Variants in NCAM2 observed in about 807,000 individuals in gnomAD.
NCAM2 encodes N-CAM-2.
In NCAM2, 30 loss-of-function variants were observed where a neutral mutation model predicts 98.1. That is an observed-to-expected ratio of 0.31 (90% CI 0.23 to 0.41). NCAM2 has a LOEUF of 0.41. Among genes scored for constraint, NCAM2 ranks in the 10% least tolerant of loss-of-function variants. The pLI is 1.00. For synonymous variants in NCAM2, 368 were observed against 342.4 expected (o/e 1.07, Z -0.83); for missense variants, 867 against 1,005.8 (o/e 0.86, Z 1.87).
Position 21,332,114 on chromosome 21 carries a change from A to G in NCAM2, c.738-3391A>G, listed in dbSNP as rs936236147. Among the ~76,000 whole-genome samples, 5 of 151,822 alleles carry G rather than the reference A, an allele frequency of 3.3e-5. No individual in the cohort carries two copies. In the South Asian group the frequency reaches 1.0e-3, roughly 32 times the overall value. The stretch of plus-strand genomic sequence containing the variant: ...GAAACCGGGTTTCACCATATTGGCC[A>G]GGCTGATCTGTAACTCCTGACCTTG... On this transcript the variant is annotated intron_variant, in intron 6 of 17. Transcript: ENST00000400546.
rs1156588500 is a variant in NCAM2 at position 21,479,583 on chromosome 21, CA to C, written c.2077+2137del. 9.4e-3 allele frequency among the ~76,000 whole-genome samples: 291 copies of C among 30,946 alleles called. 1 individual carries two copies. The highest frequency in any genetic ancestry group is 0.029 in the Middle Eastern group (1 of 34). The allele number at this position is 30,946 out of a possible 152,430, so 20.3% of individuals were successfully genotyped here. A position where few individuals can be genotyped will look rare whatever the true frequency, so the allele number is the denominator to read the frequency against. On this transcript the variant is annotated intron_variant, in intron 15 of 17. Coordinates refer to ENST00000400546, the MANE Select transcript of NCAM2 (RefSeq NM_004540.5). The stretch of plus-strand genomic sequence containing the variant: ...TGGGAGACAGAGCGAGACTGCGTCT[CA>C]AAAAAAAAAAAAAAAAAAAAAAAAT...
At chr21:21,081,188 C>T (rs764065567) in intron 1 of NCAM2, among the ~76,000 whole-genome samples, 5 of 152,100 alleles carry the variant, frequency 3.3e-5, no homozygotes, top group Admixed American at 6.5e-5. Flanking sequence ...CTTCCCTTAC[C>T]GGCTGAATGC....
chr21:21,306,206 C>T (rs2073874660), intron 5 of NCAM2, among the ~76,000 whole-genome samples: 1 of 152,130 alleles, frequency 6.6e-6, no homozygotes, highest in Non-Finnish European at 1.5e-5. Flanking sequence ...AGGTTACAGT[C>T]AATTGGTAAT....
At chr21:21,345,598 A>G (rs34224060) in intron 8 of NCAM2, among the ~76,000 whole-genome samples, 26,066 of 152,004 alleles carry the variant, frequency 0.17, 2,618 homozygotes, top group East Asian at 0.28. Flanking sequence ...AATAAAAAAA[A>G]TGAAGCATGC....
At chr21:21,222,794 G>A (rs2070223540) in intron 1 of NCAM2, among the ~76,000 whole-genome samples, 1 of 152,200 alleles carries the variant, frequency 6.6e-6, no homozygotes. Context: ...GCAGCAGCAA[G>A]TTTTGAGAGG....
rs1336787482 is a variant in NCAM2 at position 21,286,278 on chromosome 21, C to T, written c.347C>T (p.Thr116Ile). The change falls in exon 4 of 18, where the codon ACT becomes ATT. Residue 116 changes from threonine to isoleucine, a missense_variant. By Grantham distance (89) the Thr-to-Ile change is moderately conservative. This residue lies in a region of NCAM2 where 447 missense variants were observed against 495.7 expected (regional missense o/e 0.90). Coordinates refer to ENST00000400546, the MANE Select transcript of NCAM2 (RefSeq NM_004540.5). ...TACTTTGTTGATACAGAAAAACTCA[C>T]TTTCAGAGAAGTGGTATCTCCACAA... The part of the protein sequence containing the change: ...TVVLEIYQKL[T>I]FREVVSPQEF... 1 of 1,601,248 alleles carries T rather than the reference C, an allele frequency of 6.2e-7. No homozygotes were observed. The highest frequency in any genetic ancestry group is 1.3e-5 in the African/African-American group (1 of 74,416).
At chr21:21,518,909 A>G (rs1988858431) in intron 16 of NCAM2, among the ~76,000 whole-genome samples, 1 of 152,182 alleles carries the variant, frequency 6.6e-6, no homozygotes, top group South Asian at 2.1e-4. Context: ...AATGAAAGGC[A>G]GGATGTTAAG....
Position 21,463,498 on chromosome 21 carries a change from C to T in NCAM2, c.1655-3108C>T, listed in dbSNP as rs138314977. Among the ~76,000 whole-genome samples, 506 of 152,224 alleles carry T rather than the reference C, an allele frequency of 3.3e-3. 3 individuals carry two copies. The highest frequency in any genetic ancestry group is 0.012 in the African/African-American group (479 of 41,568). ...TCTTCCCTATAATTTTAAAGGTTAT[C>T]TATAAAACCTCTCTTTGGCCAGCTT... is the stretch of plus-strand genomic sequence containing the variant. On this transcript the variant is annotated intron_variant, in intron 12 of 17. Coordinates refer to ENST00000400546, the MANE Select transcript of NCAM2 (RefSeq NM_004540.5).
At chr21:21,390,563 T>C (rs914654289) in intron 9 of NCAM2, among the ~76,000 whole-genome samples, 3 of 152,158 alleles carry the variant, frequency 2.0e-5, no homozygotes, top group Non-Finnish European at 2.9e-5. Flanking sequence ...TTACATCACC[T>C]TAACATAAAT....
At position 21,378,175 on chromosome 21, in the gene NCAM2, CTT is replaced by C. The variant is rs71322052; in HGVS notation, c.1195+4173_1195+4174del. ...TGCAGATACCTCTACCAGGTACAGA[CTT>C]TTTTTTTTTTCCTTTGGGTATAAAC... is the stretch of plus-strand genomic sequence containing the variant. On this transcript the variant is annotated intron_variant, in intron 9 of 17. Coordinates refer to ENST00000400546, the MANE Select transcript of NCAM2 (RefSeq NM_004540.5). 3.2e-3 allele frequency among the ~76,000 whole-genome samples: 478 copies of C among 148,384 alleles called. 2 individuals carry two copies. The highest frequency in any genetic ancestry group is 7.4e-3 in the Admixed American group (110 of 14,870).
intron 1 of NCAM2, among the ~76,000 whole-genome samples, chr21:21,201,942 A>G (rs2069240151): frequency 6.6e-6 from 1 of 152,172 alleles, no homozygotes; most frequent in Non-Finnish European, 1.5e-5. Context: ...AAAGACTTCC[A>G]GGTGGTCTAA....
chr21:21,032,857 C>G (rs1322571796), intron 1 of NCAM2, among the ~76,000 whole-genome samples: 2 of 152,048 alleles, frequency 1.3e-5, no homozygotes, highest in Non-Finnish European at 2.9e-5. Context: ...GTATTTAAAA[C>G]TTTGTCTACA....
chr21:21,474,198 C>T lies in NCAM2; in HGVS notation c.1897-3093C>T, dbSNP rs139633410. Among the ~76,000 whole-genome samples the T allele has an allele frequency of 7.4e-3, 1,124 of 152,006 alleles. 11 individuals carry two copies. Among genetic ancestry groups the T allele is most frequent in the African/African-American group, 0.026 (1,074 of 41,484 alleles). On this transcript the variant is annotated intron_variant, in intron 14 of 17. Coordinates refer to ENST00000400546, the MANE Select transcript of NCAM2 (RefSeq NM_004540.5). Reference sequence around the variant, plus strand: ...TTTTTTTCCTATTCCCTAGGAATAGCAATTAGGGGATTAAAATGCCTTCTT... The same window carrying T: ...TTTTTTTCCTATTCCCTAGGAATAGTAATTAGGGGATTAAAATGCCTTCTT...
At chr21:21,202,677 A>G (rs543037812) in intron 1 of NCAM2, among the ~76,000 whole-genome samples, 1 of 151,976 alleles carries the variant, frequency 6.6e-6, no homozygotes, top group South Asian at 2.1e-4. Context: ...CAGCCTCCCA[A>G]AGTGCTGGGA....
In NCAM2 at chr21:21,120,265, C is replaced by T. The variant is rs375638193; in HGVS notation, c.55+121647C>T. Among the ~76,000 whole-genome samples the T allele has an allele frequency of 2.1e-3, 317 of 152,048 alleles. 5 individuals carry two copies. In the South Asian group the frequency reaches 0.027, roughly 13 times the overall value. ...GCAAGGATAATGACACAGATAAATTCGGAGTCCCAACATTTTCTTTAAAAT... is the reference window on the plus strand; with the variant it reads ...GCAAGGATAATGACACAGATAAATTTGGAGTCCCAACATTTTCTTTAAAAT... On this transcript the variant is annotated intron_variant, in intron 1 of 17. Transcript: ENST00000400546.
intron 5 of NCAM2, among the ~76,000 whole-genome samples, chr21:21,300,271 G>T (rs931499437): frequency 3.9e-5 from 6 of 151,920 alleles, no homozygotes; most frequent in African/African-American, 1.5e-4. Context: ...AAGATGATGT[G>T]TATGTTCACC....
At chr21:21,250,713 A>G (rs1054383695) in intron 1 of NCAM2, among the ~76,000 whole-genome samples, 1 of 152,222 alleles carries the variant, frequency 6.6e-6, no homozygotes, top group Non-Finnish European at 1.5e-5. Context: ...CACTATATCC[A>G]CAGATTTCCA....
chr21:21,487,395 T>TA (rs1339852483), intron 15 of NCAM2, among the ~76,000 whole-genome samples: 2 of 151,124 alleles, frequency 1.3e-5, no homozygotes, highest in African/African-American at 4.9e-5. Flanking sequence ...CCAATGATTT[T>TA]TTTTTCATAC....
intron 1 of NCAM2, among the ~76,000 whole-genome samples, chr21:21,042,241 A>G (rs1006470386): frequency 2.6e-5 from 4 of 152,028 alleles, no homozygotes; most frequent in South Asian, 2.1e-4. Flanking sequence ...CTGGAGTGCA[A>G]TGGCACTGTC....
Sources: allele counts gnomAD v4.1 joint callset (sites outside exome capture counted in the v4.1 genomes callset), GRCh38; gene constraint gnomAD v4.1.1; regional missense constraint gnomAD v4.1.1; transcripts MANE v1.5; gene names NCBI Gene and HGNC (gene_info 2026-07-23, HGNC 2026-07-21).